Variants in DNAH12 observed in about 807,000 individuals in gnomAD.
DNAH12 encodes the protein dynein axonemal heavy chain 12.
A neutral mutation model predicts 371.5 loss-of-function variants in DNAH12; 285 were observed. The observed-to-expected ratio is 0.77, with a 90% CI of 0.70 to 0.85. The LOEUF (loss-of-function observed/expected upper bound fraction) is 0.85. DNAH12 is among the 40% of genes least tolerant of loss of function. The probability of loss-of-function intolerance (pLI) is 0.00; values close to 1 mark genes in which losing one functional copy is unlikely to be tolerated. For synonymous variants in DNAH12, 1,200 were observed against 1,213.0 expected (o/e 0.99, Z 0.22); for missense variants, 3,611 against 3,689.4 (o/e 0.98, Z 0.55).
At chr3:57,350,144 G>A (rs1411044961) in intron 60 of DNAH12, among the ~76,000 whole-genome samples, 1 of 152,050 alleles carries the variant, frequency 6.6e-6, no homozygotes, top group Admixed American at 6.6e-5. Flanking sequence ...AGAAAGTGTG[G>A]GGGGTGGAGA....
intron 29 of DNAH12, among the ~76,000 whole-genome samples, chr3:57,442,412 A>G (rs2065336945): frequency 6.6e-6 from 1 of 152,242 alleles, no homozygotes; most frequent in Non-Finnish European, 1.5e-5. Flanking sequence ...TAATGAAACT[A>G]TACCATTTAA....
chr3:57,449,965 C>T (rs1384079108), intron 25 of DNAH12, among the ~76,000 whole-genome samples: 1 of 152,126 alleles, frequency 6.6e-6, no homozygotes, highest in Non-Finnish European at 1.5e-5. Flanking sequence ...AATATGATCC[C>T]GGGTGGGCAC....
chr3:57,389,526 A>T (rs1295440299), intron 45 of DNAH12, among the ~76,000 whole-genome samples: 1 of 151,850 alleles, frequency 6.6e-6, no homozygotes, highest in Non-Finnish European at 1.5e-5. Flanking sequence ...ACTTTATTTC[A>T]TACTTGGGCT....
intron 43 of DNAH12, among the ~76,000 whole-genome samples, chr3:57,400,808 AC>A (rs2063841030): frequency 1.3e-5 from 2 of 152,234 alleles, no homozygotes; most frequent in South Asian, 4.1e-4. Context: ...AATGGATAGA[AC>A]ACCTGACAGA....
At chr3:57,442,723 C>A (rs1015857660) in intron 29 of DNAH12, among the ~76,000 whole-genome samples, 3 of 152,098 alleles carry the variant, frequency 2.0e-5, no homozygotes, top group Non-Finnish European at 4.4e-5. Flanking sequence ...TTTGTGTTTT[C>A]ATTTTGGTGT....
At chr3:57,399,379 A>C (rs1367720270) in intron 43 of DNAH12, among the ~76,000 whole-genome samples, 5 of 151,844 alleles carry the variant, frequency 3.3e-5, no homozygotes, top group Non-Finnish European at 7.4e-5. Flanking sequence ...AAAGACATAG[A>C]GTGGCCAAAT....
intron 13 of DNAH12, 40 bp from the exon 14 acceptor site, chr3:57,472,711 A>G (rs1182502980): frequency 6.6e-7 from 1 of 1,521,964 alleles, no homozygotes; most frequent in Non-Finnish European, 8.8e-7. Flanking sequence ...CATATAGAAA[A>G]TCTACATCAT....
At position 57,468,976 on chromosome 3, in the gene DNAH12, C is replaced by T. The variant is rs986053861; in HGVS notation, c.2109G>A (p.Trp703Ter). 6.6e-7 allele frequency: 1 copy of T among 1,509,032 alleles called. No individual in the cohort carries two copies. The highest frequency in any genetic ancestry group is 8.8e-7 in the Non-Finnish European group (1 of 1,134,754). 93.5% of individuals were successfully genotyped at this position (1,509,032 alleles called of 1,614,324 possible). The part of the protein sequence containing the change: ...VLKWQRSEKR[W>*]MDGGFLDLNG... ...TGAGGTCCAAAAACCCTCCATCCAT[C>T]CACCTGAATGGAAAGAAAAAATATT... The change falls in exon 17 of 74, where the codon TGG (tryptophan) becomes TGA (stop). Residue 703 changes from tryptophan (W) to a stop codon, truncating the protein, a stop_gained. Coordinates refer to ENST00000495027, the MANE Select transcript of DNAH12 (RefSeq NM_001366028.2). LOFTEE classifies it high-confidence loss of function.
chr3:57,339,738 A>G (rs1553655467), intron 60 of DNAH12, among the ~76,000 whole-genome samples: 2 of 152,290 alleles, frequency 1.3e-5, no homozygotes, highest in Non-Finnish European at 2.9e-5. Flanking sequence ...CGTGAAAACT[A>G]AACAACATGC....
Position 57,408,602 on chromosome 3 carries a change from G to C in DNAH12, c.6021-67C>G, listed in dbSNP as rs1219839417. On this transcript the variant is annotated intron_variant, in intron 39 of 73. Coordinates refer to ENST00000495027, the MANE Select transcript of DNAH12 (RefSeq NM_001366028.2). ...AGACATTAAGATGGGATGAAATATA[G>C]ATCTCCCAAGAAATTTAATCAGATT... 6 of 1,384,160 alleles carry C rather than the reference G, an allele frequency of 4.3e-6. No individual in the cohort carries two copies. In the African/African-American group the frequency reaches 8.9e-5, roughly 21 times the overall value. The allele number at this position is 1,384,160 out of a possible 1,614,324, so 85.7% of individuals were successfully genotyped here.
At chr3:57,325,607 C>T (rs2061923714) in intron 62 of DNAH12, among the ~76,000 whole-genome samples, 2 of 152,072 alleles carry the variant, frequency 1.3e-5, no homozygotes, top group East Asian at 3.9e-4. Context: ...TAGATACAAC[C>T]ACAAAGATGG....
In DNAH12 at chr3:57,403,363, G is replaced by C; in HGVS notation, c.6894C>G (p.Phe2298Leu). 6.4e-7 allele frequency: 1 copy of C among 1,550,726 alleles called. No homozygotes were observed. Among genetic ancestry groups the C allele is most frequent in the South Asian group, 1.2e-5 (1 of 83,880 alleles). The change falls in exon 43 of 74, where the codon TTC (phenylalanine) becomes TTG (leucine). Residue 2298 changes from phenylalanine to leucine, a missense_variant. Phe to Leu is a conservative substitution (Grantham distance 22). This residue lies in a region of DNAH12 where 2,266 missense variants were observed against 2,236.9 expected (regional missense o/e 1.01). Coordinates refer to ENST00000495027, the MANE Select transcript of DNAH12 (RefSeq NM_001366028.2). ...CATAGCTCTTAGAAATTTCTGGTTG[G>C]AAAATATGCATTTTTGCCATGGATG... is the stretch of plus-strand genomic sequence containing the variant. ...LATSMAKMHI[F>L]QPEISKSYGM...
chr3:57,294,652 AAT>A (rs943140595), intron 73 of DNAH12, among the ~76,000 whole-genome samples: 23 of 152,328 alleles, frequency 1.5e-4, no homozygotes, highest in East Asian at 1.2e-3. Flanking sequence ...CAAAAGAAGA[AAT>A]ACAACTGCTT....
intron 2 of DNAH12, among the ~76,000 whole-genome samples, chr3:57,542,157 G>GC (rs932139590): frequency 1.1e-4 from 1 of 8,884 alleles, no homozygotes; most frequent in Non-Finnish European, 1.0e-3. Flanking sequence ...CACTAAACTG[G>GC]GGGGGGGGGG....
At chr3:57,547,632 C>G (rs1048013120), upstream of DNAH12, among the ~76,000 whole-genome samples, 1 of 152,034 alleles carries the variant, frequency 6.6e-6, no homozygotes, top group Non-Finnish European at 1.5e-5. Context: ...CAATTTTACT[C>G]ACAAAATATA....
At chr3:57,360,661 T>G (rs2062905710) in intron 58 of DNAH12, among the ~76,000 whole-genome samples, 1 of 147,996 alleles carries the variant, frequency 6.8e-6, no homozygotes, top group African/African-American at 2.5e-5. Context: ...TACTATAGCC[T>G]GGGCAACAAG....
chr3:57,542,747 T>G lies in DNAH12; in HGVS notation c.124A>C (p.Lys42Gln). The G allele has an allele frequency of 2.5e-6, 4 of 1,610,416 alleles. No homozygotes were observed. The highest frequency in any genetic ancestry group is 3.4e-6 in the Non-Finnish European group (4 of 1,178,362). ...TGCTGCTCCTTGGATCTTCTGTATT[T>G]TAGCAGCTTACTTTGTGTTGGTGTA... ...VDTPTQSKLL[K>Q]YRRSKEQQQK... The change falls in exon 2 of 74, where the codon AAA (lysine) becomes CAA (glutamine). Residue 42 changes from lysine to glutamine, a missense_variant. This residue lies in a region of DNAH12 where 1,314 missense variants were observed against 1,398.7 expected (regional missense o/e 0.94). Coordinates refer to ENST00000495027, the MANE Select transcript of DNAH12 (RefSeq NM_001366028.2).
chr3:57,304,192 A>G (rs1361661786), intron 69 of DNAH12, among the ~76,000 whole-genome samples: 1 of 151,984 alleles, frequency 6.6e-6, no homozygotes. Context: ...GCCTGCGTGC[A>G]CCCAGGTGAT....
chr3:57,551,450 A>G, the DNAH12 span, among the ~76,000 whole-genome samples: 3,664 of 146,422 alleles, frequency 0.025, 69 homozygotes, highest in Middle Eastern at 0.038. Context: ...TTTTTGTATT[A>G]TTAGTAGAGA....
Sources: allele counts gnomAD v4.1 joint callset (sites outside exome capture counted in the v4.1 genomes callset), GRCh38; gene constraint gnomAD v4.1.1; regional missense constraint gnomAD v4.1.1; transcripts MANE v1.5; gene names NCBI Gene and HGNC (gene_info 2026-07-23, HGNC 2026-07-21).